Variants in DNMT3B observed in about 807,000 individuals in gnomAD.
DNMT3B encodes DNA methyltransferase 3 beta, also known as DNA (cytosine-5)-methyltransferase 3B.
In DNMT3B, 37 loss-of-function variants were observed where a neutral mutation model predicts 120.2. The ratio of observed to expected loss-of-function variants is 0.31; its 90% CI spans 0.24 to 0.40. The LOEUF is 0.40. Ranked by LOEUF, DNMT3B falls within the 10% of genes least tolerant of loss-of-function variation. The probability of loss-of-function intolerance (pLI) is 1.00; values close to 1 mark genes in which losing one functional copy is unlikely to be tolerated. For synonymous variants in DNMT3B, 412 were observed against 442.8 expected (o/e 0.93, Z 0.87); for missense variants, 878 against 1,137.3 (o/e 0.77, Z 3.28).
intron 7 of DNMT3B, among the ~76,000 whole-genome samples, chr20:32,790,155 A>G (rs902994726): frequency 1.3e-5 from 2 of 152,150 alleles, no homozygotes; most frequent in Non-Finnish European, 2.9e-5. Flanking sequence ...AAGGGCTACA[A>G]TAATATATTG....
chr20:32,773,925 C>T (rs1255511026), intron 1 of DNMT3B, among the ~76,000 whole-genome samples: 4 of 136,024 alleles, frequency 2.9e-5, no homozygotes, highest in Non-Finnish European at 6.0e-5. Flanking sequence ...GCCACTGCGC[C>T]CGGCAGTGGT....
chr20:32,787,203 C>G, intron 5 of DNMT3B, 27 bp from the exon 6 acceptor site: 5 of 1,614,064 alleles, frequency 3.1e-6, no homozygotes, highest in Non-Finnish European at 4.2e-6. Flanking sequence ...TTGCTCTGGC[C>G]CAAACTATGT....
intron 15 of DNMT3B, 125 bp downstream of exon 15, chr20:32,798,768 C>A: frequency 7.3e-7 from 1 of 1,374,670 alleles, no homozygotes; most frequent in Non-Finnish European, 1.0e-6. Flanking sequence ...GCCTCAATGG[C>A]TGAGAGACCT....
Position 32,792,612 on chromosome 20 carries a change from C to T in DNMT3B, c.922-14C>T, listed in dbSNP as rs768497451. On this transcript the variant is annotated splice_polypyrimidine_tract_variant and intron_variant, in intron 8 of 22. Transcript: ENST00000328111. ...TCCCCACCCCCCCATTCATCACAGA[C>T]TCTGCCTTTGCAGAAAGCTAGGGTG... 1.5e-5 allele frequency: 25 copies of T among 1,614,084 alleles called. No homozygotes were observed. Among genetic ancestry groups the T allele is most frequent in the South Asian group, 2.2e-5 (2 of 91,096 alleles).
chr20:32,766,463 C>G (rs1028975577), intron 1 of DNMT3B, among the ~76,000 whole-genome samples: 1 of 152,260 alleles, frequency 6.6e-6, no homozygotes, highest in East Asian at 1.9e-4. Flanking sequence ...TCTGCCTCAG[C>G]CTTCCAAAGG....
At chr20:32,766,189 C>A (rs946498299) in intron 1 of DNMT3B, among the ~76,000 whole-genome samples, 2 of 152,012 alleles carry the variant, frequency 1.3e-5, no homozygotes, top group Non-Finnish European at 2.9e-5. Flanking sequence ...ACAAAAAATA[C>A]AAAAAGTAGC....
At chr20:32,780,840 C>T (rs1337772765) in intron 2 of DNMT3B, among the ~76,000 whole-genome samples, 1 of 152,190 alleles carries the variant, frequency 6.6e-6, no homozygotes, top group East Asian at 1.9e-4. Context: ...GCTTCCTTTC[C>T]ACCCTGCCCT....
intron 20 of DNMT3B, among the ~76,000 whole-genome samples, chr20:32,802,785 A>T (rs1026458975): frequency 6.6e-6 from 1 of 152,158 alleles, no homozygotes; most frequent in Non-Finnish European, 1.5e-5. Context: ...GGATCGCTTG[A>T]GCCCAGGAGT....
At position 32,788,880 on chromosome 20, in the gene DNMT3B, C is replaced by A; in HGVS notation, c.681C>A (p.Asp227Glu). 1.9e-6 allele frequency: 3 copies of A among 1,613,656 alleles called. No individual in the cohort carries two copies. Among genetic ancestry groups the A allele is most frequent in the Non-Finnish European group, 2.5e-6 (3 of 1,179,980 alleles). Reference sequence around the variant, plus strand: ...ATGGGAAGGAGTTTGGAATAGGGGACCTCGTGTGGGGAAAGATCAAGGGCT... The same window carrying A: ...ATGGGAAGGAGTTTGGAATAGGGGAACTCGTGTGGGGAAAGATCAAGGGCT... The part of the protein sequence containing the change: ...YQDGKEFGIG[D>E]LVWGKIKGFS... The change falls in exon 7 of 23, where the codon GAC (aspartate) becomes GAA (glutamate). Residue 227 changes from aspartate to glutamate, a missense_variant. This residue lies in a region of DNMT3B where 50 missense variants were observed against 89.7 expected (regional missense o/e 0.56). Coordinates refer to ENST00000328111, the MANE Select transcript of DNMT3B (RefSeq NM_006892.4).
At chr20:32,772,363 C>T (rs769560535) in intron 1 of DNMT3B, among the ~76,000 whole-genome samples, 2 of 151,406 alleles carry the variant, frequency 1.3e-5, no homozygotes, top group Admixed American at 6.6e-5. Flanking sequence ...GATAGGTAGA[C>T]TTGAGATTTA....
intron 3 of DNMT3B, among the ~76,000 whole-genome samples, chr20:32,783,131 T>C (rs753511522): frequency 2.6e-5 from 4 of 152,170 alleles, no homozygotes; most frequent in Non-Finnish European, 5.9e-5. Context: ...TTCACCATGT[T>C]GGCCAGGCTG....
chr20:32,802,244 C>T (rs1044686948), intron 19 of DNMT3B, 141 bp from the exon 20 acceptor site: 1 of 876,184 alleles, frequency 1.1e-6, no homozygotes, highest in African/African-American at 1.6e-5. Flanking sequence ...AGCCAGCCTC[C>T]TGATGGCAGT....
At position 32,784,782 on chromosome 20, in the gene DNMT3B, G is replaced by A. The variant is rs1979055136; in HGVS notation, c.229G>A (p.Glu77Lys). The A allele has an allele frequency of 6.2e-7, 1 of 1,614,024 alleles. No homozygotes were observed. The highest frequency in any genetic ancestry group is 8.5e-7 in the Non-Finnish European group (1 of 1,180,050). The change falls in exon 4 of 23, where the codon GAA becomes AAA. Residue 77 changes from glutamate (E) to lysine (K), a missense_variant. This residue lies in a region of DNMT3B where 287 missense variants were observed against 306.2 expected (regional missense o/e 0.94). Coordinates refer to ENST00000328111, the MANE Select transcript of DNMT3B (RefSeq NM_006892.4). ...TQDLTGDGDGEDGDGSDTPVM... is the reference protein window; with the variant it reads ...TQDLTGDGDGKDGDGSDTPVM... The stretch of plus-strand genomic sequence containing the variant: ...GGACTTGACAGGCGATGGCGACGGG[G>A]AAGATGGGGATGGCTCTGACACCCC...
chr20:32,779,567 G>C (rs1978339365), intron 1 of DNMT3B, among the ~76,000 whole-genome samples: 1 of 152,226 alleles, frequency 6.6e-6, no homozygotes, highest in South Asian at 2.1e-4. Flanking sequence ...GGCAGCAGTG[G>C]GGAGGCCAAG....
Position 32,780,374 on chromosome 20 carries a change from G to A in DNMT3B, c.51G>A (p.Arg17=). 6.2e-7 allele frequency: 1 copy of A among 1,613,972 alleles called. No individual in the cohort carries two copies. The highest frequency in any genetic ancestry group is 8.5e-7 in the Non-Finnish European group (1 of 1,180,004). Residue 17 remains arginine, a synonymous_variant, in exon 2 of 23, where the codon AGG becomes AGA. Transcript: ENST00000328111. The part of the protein sequence containing the change: ...HLNGEEDAGG[R]EDSILVNGAC... Reference sequence around the variant, plus strand: ...ATGGAGAGGAGGACGCCGGCGGGAGGGAAGACTCGATCCTCGTCAACGGGG... The same window carrying A: ...ATGGAGAGGAGGACGCCGGCGGGAGAGAAGACTCGATCCTCGTCAACGGGG...
chr20:32,802,316 T>C (rs972143007), intron 19 of DNMT3B, 69 bp from the exon 20 acceptor site: 1 of 1,531,604 alleles, frequency 6.5e-7, no homozygotes, highest in African/African-American at 1.4e-5. Context: ...CCCTGTCACC[T>C]GCAAAGGTCT....
chr20:32,806,065 T>G, intron 21 of DNMT3B, 144 bp from the exon 22 acceptor site: 1 of 805,766 alleles, frequency 1.2e-6, no homozygotes, highest in Non-Finnish European at 2.2e-6. Flanking sequence ...CCTTCCATCT[T>G]TCCCAGGTAC....
chr20:32,762,861 G>A (rs2145821155), intron 1 of DNMT3B, among the ~76,000 whole-genome samples, 162 bp downstream of exon 1: 1 of 152,154 alleles, frequency 6.6e-6, no homozygotes, highest in South Asian at 2.1e-4. Flanking sequence ...GGGTTTGCGG[G>A]GTGAGGAAAC....
chr20:32,808,192 T>A lies in DNMT3B; in HGVS notation c.*289T>A. On this transcript the variant is annotated 3_prime_UTR_variant, in exon 23 of 23. Coordinates refer to ENST00000328111, the MANE Select transcript of DNMT3B (RefSeq NM_006892.4). Reference sequence around the variant, plus strand: ...AACTTGAAGTAGGTAGCAACGTGGCTTTTTTTTTTTCCCTTCCTGGGTCTA... The same window carrying A: ...AACTTGAAGTAGGTAGCAACGTGGCATTTTTTTTTTCCCTTCCTGGGTCTA... 1 of 204,624 alleles carries A rather than the reference T, an allele frequency of 4.9e-6. No individual in the cohort carries two copies. The allele number at this position is 204,624 out of a possible 1,614,324, so 12.7% of individuals were successfully genotyped here. A position where few individuals can be genotyped will look rare whatever the true frequency, so the allele number is the denominator to read the frequency against.
Sources: gnomAD v4.1 joint callset for allele counts (sites outside exome capture counted in the v4.1 genomes callset) on GRCh38, gnomAD v4.1.1 for gene constraint, gnomAD v4.1.1 regional missense constraint, MANE v1.5 for transcripts, NCBI Gene and HGNC (gene_info 2026-07-23, HGNC 2026-07-21) for gene names.